ARHGEF18: variants seen among roughly 807,000 people sequenced by gnomAD.
ARHGEF18 encodes rho guanine nucleotide exchange factor 18.
A neutral mutation model predicts 155.7 loss-of-function variants in ARHGEF18; 93 were observed. The ratio of observed to expected loss-of-function variants is 0.60; its 90% CI spans 0.50 to 0.71. ARHGEF18 has a LOEUF of 0.71. ARHGEF18 is among the 30% of genes least tolerant of loss of function. The pLI is 0.00. For synonymous variants in ARHGEF18, 742 were observed against 753.1 expected, an observed-to-expected ratio of 0.99 and a Z score of 0.24; for missense variants, 1,593 against 1,816.1, an observed-to-expected ratio of 0.88 and a Z score of 2.23.
chr19:7,376,987 C>T (rs1005202594), intron 5 of ARHGEF18, among the ~76,000 whole-genome samples: 1 of 152,134 alleles, frequency 6.6e-6, no homozygotes, highest in African/African-American at 2.4e-5. Context: ...GCATCTGTCC[C>T]TCCTCCTCTC....
intron 10 of ARHGEF18, among the ~76,000 whole-genome samples, chr19:7,416,528 T>C (rs1366327531): frequency 7.2e-6 from 1 of 139,306 alleles, no homozygotes; most frequent in South Asian, 2.4e-4. Context: ...ACGGAGAAAA[T>C]TCGTGTGTGT....
chr19:7,395,064 C>G lies in ARHGEF18; in HGVS notation c.967+11861C>G. On this transcript the variant is annotated intron_variant, in intron 10 of 28. Coordinates refer to ENST00000668164, the MANE Select transcript of ARHGEF18 (RefSeq NM_001367823.1). This position sits in a 1 kb window ranked among gnomAD's most constrained non-coding sequence, Gnocchi z 5.0. The stretch of plus-strand genomic sequence containing the variant: ...CTCGAGGGCACGCCTCCTTCCGGGT[C>G]ACGCCCTCTGCCCCGCCTCCGAGGC... The G allele has an allele frequency of 1.0e-6, 1 of 985,500 alleles. No homozygotes were observed. Among genetic ancestry groups the G allele is most frequent in the Non-Finnish European group, 1.2e-6 (1 of 829,974 alleles). 61.0% of individuals were successfully genotyped at this position (985,500 alleles called of 1,614,324 possible).
chr19:7,467,419 G>T lies in ARHGEF18; in HGVS notation c.3215G>T (p.Arg1072Leu), dbSNP rs1976709117. Residue 1072 changes from arginine (R) to leucine (L), a missense_variant, in exon 26 of 29, where the codon CGC becomes CTC. Coordinates refer to ENST00000668164, the MANE Select transcript of ARHGEF18 (RefSeq NM_001367823.1). ...QLRHEQQRWE[R>L]ERQWQHQELE... ...CGGCACGAGCAGCAGCGCTGGGAGC[G>T]CGAGCGCCAGTGGCAGCACCAGGAG... 1.3e-6 allele frequency: 2 copies of T among 1,531,850 alleles called. No individual in the cohort carries two copies. The highest frequency in any genetic ancestry group is 2.0e-5 in the Admixed American group (1 of 50,874). 94.9% of individuals were successfully genotyped at this position (1,531,850 alleles called of 1,614,324 possible). A position where few individuals can be genotyped will look rare whatever the true frequency, so the allele number is the denominator to read the frequency against.
chr19:7,374,790 C>A (rs9329372), intron 3 of ARHGEF18, among the ~76,000 whole-genome samples: 1 of 151,920 alleles, frequency 6.6e-6, no homozygotes, highest in Non-Finnish European at 1.5e-5. Context: ...ATCAGACCCA[C>A]GCATATAAGC....
At chr19:7,466,135 G>A (rs572979504) in intron 23 of ARHGEF18, among the ~76,000 whole-genome samples, 3 of 152,036 alleles carry the variant, frequency 2.0e-5, no homozygotes, top group Middle Eastern at 3.4e-3. Context: ...TGTAATCCCA[G>A]CACTTTGGGA....
intron 8 of ARHGEF18, among the ~76,000 whole-genome samples, chr19:7,381,803 G>T (rs1970758184): frequency 6.6e-6 from 1 of 152,112 alleles, no homozygotes; most frequent in South Asian, 2.1e-4. Flanking sequence ...CCACAGACAG[G>T]GCTGGAGGTC....
chr19:7,354,593 C>A (rs1481685759), intron 1 of ARHGEF18, among the ~76,000 whole-genome samples: 1 of 151,360 alleles, frequency 6.6e-6, no homozygotes, highest in Admixed American at 6.6e-5. Flanking sequence ...ACACACACAC[C>A]ATACCCCACA....
intron 13 of ARHGEF18, among the ~76,000 whole-genome samples, chr19:7,443,018 TA>T (rs1974763155): frequency 6.6e-6 from 1 of 151,032 alleles, no homozygotes; most frequent in African/African-American, 2.4e-5. Flanking sequence ...GCCTCCCGAG[TA>T]GCTGAGATGA....
chr19:7,377,360 C>T (rs940723002), intron 5 of ARHGEF18, among the ~76,000 whole-genome samples: 2 of 152,014 alleles, frequency 1.3e-5, no homozygotes, highest in African/African-American at 4.8e-5. Flanking sequence ...CATGAACCAC[C>T]GCGCCCAGCA....
At chr19:7,357,139 C>T (rs997466986) in intron 1 of ARHGEF18, among the ~76,000 whole-genome samples, 1 of 152,142 alleles carries the variant, frequency 6.6e-6, no homozygotes, top group Admixed American at 6.6e-5. Context: ...CTGGAGGAAC[C>T]GGGATTTGAA....
chr19:7,380,027 C>T (rs1032151887), intron 7 of ARHGEF18, among the ~76,000 whole-genome samples: 18 of 150,148 alleles, frequency 1.2e-4, no homozygotes, highest in African/African-American at 4.2e-4. Context: ...ATTAGCTGGG[C>T]GTGGTGGCAC....
At position 7,395,199 on chromosome 19, in the gene ARHGEF18, G is replaced by C. The variant is rs1158310064; in HGVS notation, c.967+11996G>C. 1 of 986,134 alleles carries C rather than the reference G, an allele frequency of 1.0e-6. No individual in the cohort carries two copies. Among genetic ancestry groups the C allele is most frequent in the Non-Finnish European group, 1.2e-6 (1 of 830,596 alleles). The allele number at this position is 986,134 out of a possible 1,614,324, so 61.1% of individuals were successfully genotyped here. ...ACGGAGGCATCGGAGGCGGCTGCGA[G>C]AGTGGCAGAGGAGCTGGCGGAGAGC... On this transcript the variant is annotated intron_variant, in intron 10 of 28. Transcript: ENST00000668164. This position sits in a 1 kb window ranked among gnomAD's most constrained non-coding sequence, Gnocchi z 5.0.
intron 10 of ARHGEF18, among the ~76,000 whole-genome samples, chr19:7,415,437 C>G (rs1972949855): frequency 6.6e-6 from 1 of 152,140 alleles, no homozygotes; most frequent in South Asian, 2.1e-4. Context: ...CCAGCAACCC[C>G]TTCCAGTGTG....
At chr19:7,409,505 G>A (rs1972543158) in intron 10 of ARHGEF18, among the ~76,000 whole-genome samples, 2 of 146,708 alleles carry the variant, frequency 1.4e-5, no homozygotes, top group African/African-American at 5.1e-5. Flanking sequence ...TCGGCTCACT[G>A]TAACCTCCAC....
chr19:7,411,007 A>T (rs1310451272), intron 10 of ARHGEF18, among the ~76,000 whole-genome samples: 1 of 152,012 alleles, frequency 6.6e-6, no homozygotes, highest in East Asian at 1.9e-4. Flanking sequence ...CTCACAAGGC[A>T]GATGCTTTTT....
At chr19:7,438,943 G>A (rs924601533) in intron 10 of ARHGEF18, among the ~76,000 whole-genome samples, 2 of 151,724 alleles carry the variant, frequency 1.3e-5, no homozygotes, top group Admixed American at 6.6e-5. Flanking sequence ...CGCAATCTCC[G>A]CTCACTGCAA....
At chr19:7,353,539 G>A (rs955008020) in intron 1 of ARHGEF18, among the ~76,000 whole-genome samples, 3 of 149,836 alleles carry the variant, frequency 2.0e-5, no homozygotes, top group Non-Finnish European at 3.0e-5. Context: ...GCAGTGAGCC[G>A]AGATTGCGCC....
chr19:7,350,943 A>G (rs1969142779), intron 1 of ARHGEF18, among the ~76,000 whole-genome samples: 1 of 152,106 alleles, frequency 6.6e-6, no homozygotes, highest in Non-Finnish European at 1.5e-5. Flanking sequence ...AGCTGGGATT[A>G]CAGGCACACG....
Position 7,466,932 on chromosome 19 carries a change from C to G in ARHGEF18, c.2919C>G (p.Gly973=). ...CCTCTTCCCAGGTGGAGGCGCCAGG[C>G]ACGGAATCCGATCCCCGTCTGCCCA... ...EESPQVVEAP[G]TESDPRLPTV... Residue 973 remains glycine (G), a synonymous_variant, in exon 24 of 29, where the codon GGC becomes GGG. Coordinates refer to ENST00000668164, the MANE Select transcript of ARHGEF18 (RefSeq NM_001367823.1). 1 of 1,613,584 alleles carries G rather than the reference C, an allele frequency of 6.2e-7. No homozygotes were observed. Among genetic ancestry groups the G allele is most frequent in the Non-Finnish European group, 8.5e-7 (1 of 1,180,002 alleles).
Sources: allele counts gnomAD v4.1 joint callset (sites outside exome capture counted in the v4.1 genomes callset), GRCh38; gene constraint gnomAD v4.1.1; non-coding constraint Gnocchi (gnomAD v3.1); transcripts MANE v1.5; gene names NCBI Gene and HGNC (gene_info 2026-07-23, HGNC 2026-07-21).